The following GRIA1 variants were observed in gnomAD, a reference collection of about 807,000 sequenced individuals.
GRIA1 encodes glutamate ionotropic receptor AMPA type subunit 1.
A neutral mutation model predicts 99.2 loss-of-function variants in GRIA1; 31 were observed. The observed-to-expected ratio is 0.31, with a 90% CI of 0.23 to 0.42. The LOEUF (loss-of-function observed/expected upper bound fraction) is 0.42, where lower values mean the gene tolerates loss of function less well. Among genes scored for constraint, GRIA1 ranks in the 10% least tolerant of loss-of-function variants. The pLI is 1.00. For missense variants in GRIA1, 782 were observed against 1,157.5 expected, an observed-to-expected ratio of 0.68 and a Z score of 4.71; for synonymous variants, 438 against 432.4, an observed-to-expected ratio of 1.01 and a Z score of -0.16.
At position 153,808,049 on chromosome 5, in the gene GRIA1, C is replaced by T. The variant is rs114016762; in HGVS notation, c.2521-2976C>T. Among the ~76,000 whole-genome samples, 1,078 of 152,318 alleles carry T rather than the reference C, an allele frequency of 7.1e-3. 5 individuals carry two copies. Among genetic ancestry groups the T allele is most frequent in the Non-Finnish European group, 0.011 (742 of 68,032 alleles). On this transcript the variant is annotated intron_variant, in intron 15 of 15. Transcript: ENST00000285900. Reference sequence around the variant, plus strand: ...AGCAGGTGGTCACTGGTGCTTTGCACGCCTGCCTGAGCAAAGACATTACTG... The same window carrying T: ...AGCAGGTGGTCACTGGTGCTTTGCATGCCTGCCTGAGCAAAGACATTACTG...
chr5:153,650,500 G>T lies in GRIA1; in HGVS notation c.631G>T (p.Ala211Ser), dbSNP rs1754482315. ...VVDCESERLN[A>S]ILGQIIKLEK... ...GGACTGTGAATCAGAACGCCTCAAT[G>T]CTATCTTGGGCCAGGTAGTGAAAGC... Residue 211 changes from alanine to serine, a missense_variant, in exon 4 of 16, where the codon GCT (alanine) becomes TCT (serine). Physicochemically the swap from Ala to Ser is moderately conservative, Grantham distance 99 (BLOSUM62 1). Transcript: ENST00000285900. 8.1e-6 allele frequency: 13 copies of T among 1,613,754 alleles called. No individual in the cohort carries two copies. The highest frequency in any genetic ancestry group is 1.1e-5 in the Non-Finnish European group (13 of 1,179,804).
At chr5:153,732,639 T>C (rs1424726735) in intron 11 of GRIA1, among the ~76,000 whole-genome samples, 5 of 145,384 alleles carry the variant, frequency 3.4e-5, no homozygotes, top group African/African-American at 1.3e-4. Flanking sequence ...CCTTATTGGG[T>C]ATATGGTTTG....
At chr5:153,727,395 G>T (rs1240711825) in intron 11 of GRIA1, among the ~76,000 whole-genome samples, 1 of 152,158 alleles carries the variant, frequency 6.6e-6, no homozygotes, top group Non-Finnish European at 1.5e-5. Context: ...GGGCAATTAG[G>T]CAGGAGAAGG....
At chr5:153,742,956 G>T (rs566240257) in intron 11 of GRIA1, among the ~76,000 whole-genome samples, 30 of 152,258 alleles carry the variant, frequency 2.0e-4, no homozygotes, top group African/African-American at 7.2e-4. Flanking sequence ...AGATGTTTTT[G>T]GGGGGCAAAT....
chr5:153,692,753 C>G (rs1347390184), intron 8 of GRIA1, among the ~76,000 whole-genome samples: 7 of 152,158 alleles, frequency 4.6e-5, no homozygotes, highest in Non-Finnish European at 1.0e-4. Context: ...ATTATATTCA[C>G]AGTGCCTAGA....
Position 153,686,150 on chromosome 5 carries a change from C to G in GRIA1, c.1030-75C>G, listed in dbSNP as rs866793346. 1.0e-5 allele frequency: 11 copies of G among 1,073,952 alleles called. No homozygotes were observed. In the Middle Eastern group the frequency reaches 2.0e-3, roughly 198 times the overall value. 66.5% of individuals were successfully genotyped at this position (1,073,952 alleles called of 1,614,324 possible). ...TGGAACACTCTTGGGTTCTGAATTT[C>G]TACTTCAGTGGAAAAAGCAAACACA... On this transcript the variant is annotated intron_variant, in intron 7 of 15. Coordinates refer to ENST00000285900, the MANE Select transcript of GRIA1 (RefSeq NM_000827.4).
At chr5:153,724,274 G>C (rs1760327152) in intron 11 of GRIA1, among the ~76,000 whole-genome samples, 1 of 130,070 alleles carries the variant, frequency 7.7e-6, no homozygotes, top group Non-Finnish European at 1.6e-5. Flanking sequence ...ACCAAAAGTA[G>C]ATAAAACCAC....
chr5:153,647,302 G>C (rs1754225694), intron 3 of GRIA1, 135 bp downstream of exon 3: 1 of 1,125,468 alleles, frequency 8.9e-7, no homozygotes, highest in Admixed American at 2.4e-5. Context: ...TGAGAAATCT[G>C]ACTGATTTAT....
chr5:153,566,473 T>A (rs1761636287), intron 2 of GRIA1, among the ~76,000 whole-genome samples: 2 of 149,328 alleles, frequency 1.3e-5, no homozygotes, highest in Non-Finnish European at 3.0e-5. Context: ...CAAGCTAATT[T>A]TTTTGCATTT....
chr5:153,597,006 C>T (rs947974016), intron 2 of GRIA1, among the ~76,000 whole-genome samples: 4 of 152,206 alleles, frequency 2.6e-5, no homozygotes, highest in Non-Finnish European at 5.9e-5. Context: ...CCTCCCCAGG[C>T]ATTCTGCACA....
At chr5:153,577,496 G>A (rs1472938321) in intron 2 of GRIA1, among the ~76,000 whole-genome samples, 1 of 152,182 alleles carries the variant, frequency 6.6e-6, no homozygotes, top group Non-Finnish European at 1.5e-5. Context: ...ACCCTGTGTA[G>A]ATAATGTGTT....
intron 12 of GRIA1, among the ~76,000 whole-genome samples, chr5:153,766,131 T>C (rs960424096): frequency 3.3e-5 from 5 of 152,216 alleles, no homozygotes; most frequent in African/African-American, 9.6e-5. Flanking sequence ...TTAAGCATCA[T>C]TGATCCTAAC....
At chr5:153,617,301 G>T (rs1766596477) in intron 2 of GRIA1, among the ~76,000 whole-genome samples, 1 of 152,142 alleles carries the variant, frequency 6.6e-6, no homozygotes, top group Non-Finnish European at 1.5e-5. Flanking sequence ...GTGCCTGATG[G>T]CTATGTCTTT....
chr5:153,770,404 G>T lies in GRIA1; in HGVS notation c.2259G>T (p.Gly753=), dbSNP rs550567804. 3.7e-6 allele frequency: 6 copies of T among 1,613,634 alleles called. No individual in the cohort carries two copies. The South Asian group carries it at 6.6e-5, about 18-fold the overall frequency. Residue 753 remains glycine (G), a synonymous_variant, in exon 13 of 16, where the codon GGG becomes GGT. Coordinates refer to ENST00000285900, the MANE Select transcript of GRIA1 (RefSeq NM_000827.4). ...SKGYGIATPK[G]SALRNPVNLA... ...GCTATGGCATTGCAACACCCAAGGG[G>T]TCTGCCCTGAGGTAAGTAGCCAAGA...
At chr5:153,668,899 T>C (rs1308913691) in intron 5 of GRIA1, among the ~76,000 whole-genome samples, 1 of 152,378 alleles carries the variant, frequency 6.6e-6, no homozygotes, top group East Asian at 1.9e-4. Context: ...CCTCTTTGTC[T>C]GGAGCAATCT....
intron 2 of GRIA1, among the ~76,000 whole-genome samples, chr5:153,512,309 GAAT>G: frequency 6.6e-6 from 1 of 152,184 alleles, no homozygotes; most frequent in East Asian, 1.9e-4. Context: ...CAGGTAATAG[GAAT>G]AATAGTGTCA....
chr5:153,599,611 T>C (rs1164105164), intron 2 of GRIA1, among the ~76,000 whole-genome samples: 1 of 152,004 alleles, frequency 6.6e-6, no homozygotes, highest in Non-Finnish European at 1.5e-5. Context: ...ATTATTTTGA[T>C]TGTTATGTTG....
At chr5:153,770,036 C>A in intron 12 of GRIA1, 132 bp from the exon 13 acceptor site, 2 of 855,340 alleles carry the variant, frequency 2.3e-6, no homozygotes, top group Non-Finnish European at 1.9e-6. Context: ...TGCAATCACT[C>A]ATAATTTGTT....
intron 2 of GRIA1, among the ~76,000 whole-genome samples, chr5:153,523,065 C>T (rs1404185483): frequency 6.7e-6 from 1 of 149,520 alleles, no homozygotes; most frequent in Non-Finnish European, 1.5e-5. Flanking sequence ...ATCTTGCAGA[C>T]CTGATCCATT....
Sources: allele counts gnomAD v4.1 joint callset (sites outside exome capture counted in the v4.1 genomes callset), GRCh38; gene constraint gnomAD v4.1.1; transcripts MANE v1.5; gene names NCBI Gene and HGNC (gene_info 2026-07-23, HGNC 2026-07-21).